MACO1: variants seen among roughly 807,000 people sequenced by gnomAD.
The protein encoded by MACO1 is macoilin 1, also known as macoilin.
Under a neutral mutation model 78.7 loss-of-function variants are expected in MACO1, and 14 were observed. That is an observed-to-expected ratio of 0.18 (90% CI 0.12 to 0.28). The LOEUF (loss-of-function observed/expected upper bound fraction) is 0.28. Among genes scored for constraint, MACO1 ranks in the 10% least tolerant of loss-of-function variants. The pLI is 1.00. For synonymous variants in MACO1, 288 were observed against 291.6 expected, an observed-to-expected ratio of 0.99 and a Z score of 0.12; for missense variants, 501 against 799.0, an observed-to-expected ratio of 0.63 and a Z score of 4.50.
rs575299670 is a variant in MACO1, at chr1:25,489,903, A to G, written c.1617+610A>G. 1.4e-3 allele frequency among the ~76,000 whole-genome samples: 211 copies of G among 152,324 alleles called. 1 individual carries two copies. In the Middle Eastern group the frequency reaches 0.017, roughly 12 times the overall value. On this transcript the variant is annotated intron_variant, in intron 9 of 10. Coordinates refer to ENST00000374343, the MANE Select transcript of MACO1 (RefSeq NM_018202.6). ...GAGTACAGTACCGAAAAAAATACGA[A>G]AAAAAGTAAAGGTGGCATCAGAGAT... is the stretch of plus-strand genomic sequence containing the variant.
chr1:25,472,420 C>T (rs1341241823), intron 6 of MACO1, among the ~76,000 whole-genome samples: 2 of 149,816 alleles, frequency 1.3e-5, no homozygotes, highest in African/African-American at 4.9e-5. Flanking sequence ...TGTGTTCATG[C>T]GTTCTCATTG....
At chr1:25,445,138 A>G (rs2043004472) in intron 1 of MACO1, among the ~76,000 whole-genome samples, 1 of 150,988 alleles carries the variant, frequency 6.6e-6, no homozygotes, top group African/African-American at 2.4e-5. Flanking sequence ...CTATTAAAAA[A>G]AAAAAAAAAA....
chr1:25,477,110 A>G (rs964252943), intron 6 of MACO1, among the ~76,000 whole-genome samples: 3 of 152,248 alleles, frequency 2.0e-5, no homozygotes, highest in Non-Finnish European at 4.4e-5. Context: ...AGCAACAAAA[A>G]GAAGCCCAGC....
chr1:25,435,429 A>G (rs2042911694), intron 1 of MACO1, among the ~76,000 whole-genome samples: 1 of 152,168 alleles, frequency 6.6e-6, no homozygotes. Flanking sequence ...GACTTTTTAA[A>G]GTGATTAAAT....
chr1:25,444,962 T>C (rs1390033401), intron 1 of MACO1, among the ~76,000 whole-genome samples: 1 of 151,904 alleles, frequency 6.6e-6, no homozygotes, highest in Non-Finnish European at 1.5e-5. Context: ...TCTATCTTCA[T>C]CTGGCCAGCA....
At chr1:25,455,995 C>T (rs1219590251) in intron 4 of MACO1, among the ~76,000 whole-genome samples, 2 of 152,014 alleles carry the variant, frequency 1.3e-5, no homozygotes, top group Non-Finnish European at 2.9e-5. Context: ...CGTGGTGGCT[C>T]ACACCTGTAA....
chr1:25,496,032 A>G (rs1277750304), intron 10 of MACO1, among the ~76,000 whole-genome samples: 3 of 152,204 alleles, frequency 2.0e-5, no homozygotes, highest in Non-Finnish European at 4.4e-5. Flanking sequence ...TATACCGCCA[A>G]GCTTTCTTAT....
intron 1 of MACO1, among the ~76,000 whole-genome samples, chr1:25,440,866 T>C (rs1005474361): frequency 1.3e-5 from 2 of 152,106 alleles, no homozygotes; most frequent in Non-Finnish European, 2.9e-5. Flanking sequence ...GTGTCTGGCT[T>C]ACTAGAAGAT....
chr1:25,478,358 T>C (rs1344793021), intron 6 of MACO1, among the ~76,000 whole-genome samples: 1 of 152,260 alleles, frequency 6.6e-6, no homozygotes, highest in Non-Finnish European at 1.5e-5. Context: ...CATTTGAACT[T>C]CATTCCTTTG....
At chr1:25,475,116 G>A (rs1415366416) in intron 6 of MACO1, among the ~76,000 whole-genome samples, 2 of 152,144 alleles carry the variant, frequency 1.3e-5, no homozygotes, top group Non-Finnish European at 2.9e-5. Context: ...AGGCCGAGGC[G>A]GGCGGATCAC....
intron 6 of MACO1, among the ~76,000 whole-genome samples, chr1:25,462,702 A>G (rs2043182080): frequency 8.8e-6 from 1 of 113,356 alleles, no homozygotes; most frequent in Admixed American, 9.7e-5. Flanking sequence ...TGGGGGGAAA[A>G]TTCATTACTG....
chr1:25,454,882 T>A (rs1444924403), intron 4 of MACO1, among the ~76,000 whole-genome samples: 1 of 152,266 alleles, frequency 6.6e-6, no homozygotes, highest in East Asian at 1.9e-4. Flanking sequence ...CAGAAAGCAG[T>A]ACAGCATGGT....
chr1:25,495,197 G>T (rs34720549), intron 10 of MACO1, among the ~76,000 whole-genome samples: 65,469 of 151,848 alleles, frequency 0.43, 15,049 homozygotes, highest in East Asian at 0.73. Flanking sequence ...ATTCCCCCTG[G>T]CGTGAAGCAG....
At chr1:25,439,672 T>G (rs1288603011) in intron 1 of MACO1, among the ~76,000 whole-genome samples, 45 of 149,782 alleles carry the variant, frequency 3.0e-4, no homozygotes, top group African/African-American at 7.1e-4. Context: ...AAATTTCTGT[T>G]TTTTTTTTTT....
intron 1 of MACO1, among the ~76,000 whole-genome samples, chr1:25,435,627 C>G (rs548480508): frequency 6.6e-6 from 1 of 152,252 alleles, no homozygotes; most frequent in South Asian, 2.1e-4. Context: ...CTTGATTGTA[C>G]ATGTGTTCTG....
intron 3 of MACO1, among the ~76,000 whole-genome samples, chr1:25,453,967 A>G (rs1322053943): frequency 5.9e-5 from 9 of 151,978 alleles, no homozygotes; most frequent in Non-Finnish European, 1.3e-4. Flanking sequence ...TATTTTCTTT[A>G]GTTAGCTTTT....
intron 6 of MACO1, among the ~76,000 whole-genome samples, chr1:25,462,769 T>A (rs186635108): frequency 1.7e-4 from 10 of 58,170 alleles, no homozygotes; most frequent in Admixed American, 2.0e-4. Context: ...AATTAAGGTT[T>A]GATGGCTATT....
chr1:25,457,351 A>G (rs1006197466), intron 5 of MACO1, among the ~76,000 whole-genome samples: 18 of 152,038 alleles, frequency 1.2e-4, no homozygotes, highest in Non-Finnish European at 1.5e-4. Context: ...ATCTCAAGCA[A>G]TCCTCCCACC....
chr1:25,485,503 G>A lies in MACO1; in HGVS notation c.1314-110G>A, dbSNP rs1033454499. The A allele has an allele frequency of 8.6e-7, 1 of 1,161,326 alleles. No individual in the cohort carries two copies. Among genetic ancestry groups the A allele is most frequent in the Non-Finnish European group, 1.2e-6 (1 of 830,622 alleles). 71.9% of individuals were successfully genotyped at this position (1,161,326 alleles called of 1,614,324 possible). ...TGGGCATTGACATTTTTGATTTGCT[G>A]TTCAAACCTCCTGTTTAATTGGCCT... is the stretch of plus-strand genomic sequence containing the variant. On this transcript the variant is annotated intron_variant, in intron 7 of 10. Coordinates refer to ENST00000374343, the MANE Select transcript of MACO1 (RefSeq NM_018202.6). The surrounding 1 kb of genome is among the most constrained non-coding windows in gnomAD (Gnocchi z 4.3).
Sources: allele counts gnomAD v4.1 joint callset (sites outside exome capture counted in the v4.1 genomes callset), GRCh38; gene constraint gnomAD v4.1.1; non-coding constraint Gnocchi (gnomAD v3.1); transcripts MANE v1.5; gene names NCBI Gene and HGNC (gene_info 2026-07-23, HGNC 2026-07-21).